The following EXOC4 variants were observed in gnomAD, a reference collection of about 807,000 sequenced individuals.
EXOC4 encodes SEC8-like 1.
Under a neutral mutation model 107.2 loss-of-function variants are expected in EXOC4, and 71 were observed. That is an observed-to-expected ratio of 0.66 (90% CI 0.55 to 0.81). EXOC4 has a LOEUF of 0.81. Among genes scored for constraint, EXOC4 ranks in the 30% least tolerant of loss-of-function variants. The probability of loss-of-function intolerance (pLI) is 0.00; values close to 1 mark genes in which losing one functional copy is unlikely to be tolerated. For missense variants in EXOC4, 1,108 were observed against 1,189.6 expected (o/e 0.93, Z 1.01); for synonymous variants, 456 against 441.2 (o/e 1.03, Z -0.42).
At chr7:133,268,064 C>T (rs866223332) in intron 1 of EXOC4, among the ~76,000 whole-genome samples, 61 of 152,278 alleles carry the variant, frequency 4.0e-4, no homozygotes, top group African/African-American at 1.3e-3. Context: ...ACAACACTTC[C>T]GTCACACTTT....
rs1796455275 is a variant in EXOC4, at chr7:133,374,965, T to C, written c.1145T>C (p.Met382Thr). 3 of 1,614,056 alleles carry C rather than the reference T, an allele frequency of 1.9e-6. No homozygotes were observed. Among genetic ancestry groups the C allele is most frequent in the Admixed American group, 1.7e-5 (1 of 60,030 alleles). ...CAGGAAGATATCAAACTGTATGATA[T>C]GGCAGATGTATGGGTGAAGATCCAA... Reference protein sequence around the residue: ...TQQEDIKLYDMADVWVKIQDV... With the variant: ...TQQEDIKLYDTADVWVKIQDV... The change falls in exon 7 of 18, where the codon ATG (methionine) becomes ACG (threonine). Residue 382 changes from methionine to threonine, a missense_variant. Coordinates refer to ENST00000253861, the MANE Select transcript of EXOC4 (RefSeq NM_021807.4).
At position 133,356,490 on chromosome 7, in the gene EXOC4, G is replaced by A; in HGVS notation, c.924G>A (p.Lys308=). Residue 308 remains lysine (K), a synonymous_variant, in exon 6 of 18, where the codon AAG becomes AAA. Transcript: ENST00000253861. ...AIIERLEQEL[K]QIVKRSTTQV... ...TAGAGCGCTTGGAGCAGGAGTTGAA[G>A]CAAATTGTGAAGAGGTCTACAACCC... 6.2e-7 allele frequency: 1 copy of A among 1,614,146 alleles called. No individual in the cohort carries two copies. The highest frequency in any genetic ancestry group is 2.2e-5 in the East Asian group (1 of 44,864).
chr7:134,023,806 T>C (rs189363669), intron 17 of EXOC4, among the ~76,000 whole-genome samples: 1 of 152,300 alleles, frequency 6.6e-6, no homozygotes, highest in Admixed American at 6.5e-5. Flanking sequence ...TGGCAGTGTT[T>C]TATCTTCCCA....
chr7:134,015,289 C>T (rs1234101888), intron 17 of EXOC4, among the ~76,000 whole-genome samples: 1 of 152,208 alleles, frequency 6.6e-6, no homozygotes, highest in Non-Finnish European at 1.5e-5. Context: ...ATTTGTTCCT[C>T]ACCTGTCTAC....
chr7:133,515,608 G>A (rs1173187552), intron 9 of EXOC4, among the ~76,000 whole-genome samples: 1 of 152,024 alleles, frequency 6.6e-6, no homozygotes, highest in African/African-American at 2.4e-5. Context: ...AGCTGGGTCT[G>A]TAGGCAAGAG....
At chr7:133,548,765 G>A (rs993527648) in intron 9 of EXOC4, among the ~76,000 whole-genome samples, 4 of 152,202 alleles carry the variant, frequency 2.6e-5, no homozygotes, top group Non-Finnish European at 4.4e-5. Flanking sequence ...GTTTGCTTAA[G>A]AGAATGTTTT....
intron 14 of EXOC4, among the ~76,000 whole-genome samples, chr7:133,960,816 C>T (rs969203587): frequency 2.6e-5 from 4 of 152,146 alleles, no homozygotes; most frequent in Non-Finnish European, 5.9e-5. Flanking sequence ...TTGACAGAAC[C>T]TCAGCCAGTA....
intron 9 of EXOC4, among the ~76,000 whole-genome samples, chr7:133,558,413 G>T (rs191557889): frequency 2.6e-5 from 4 of 152,058 alleles, no homozygotes; most frequent in Admixed American, 2.6e-4. Context: ...TATTCATTCT[G>T]TATGTATAAC....
chr7:133,509,798 G>C (rs1799732748), intron 9 of EXOC4, among the ~76,000 whole-genome samples: 1 of 152,178 alleles, frequency 6.6e-6, no homozygotes, highest in African/African-American at 2.4e-5. Flanking sequence ...CTTTGTTAAT[G>C]AGGGGTGTCT....
chr7:133,899,930 A>G (rs924880712), intron 12 of EXOC4, among the ~76,000 whole-genome samples: 3 of 151,920 alleles, frequency 2.0e-5, no homozygotes, highest in African/African-American at 7.3e-5. Flanking sequence ...TTTATTTAGT[A>G]GAGATGGAGT....
rs185525163 is a variant in EXOC4 at position 133,401,776 on chromosome 7, G to A, written c.1182+26774G>A. Among the ~76,000 whole-genome samples the A allele has an allele frequency of 1.1e-4, 16 of 147,128 alleles. No homozygotes were observed. The East Asian group carries it at 2.8e-3, about 25-fold the overall frequency. ...TTCTGCATGATTTTCCTTTTTTTTT[G>A]TCTAAATCTTGACATAAGTTTACCT... On this transcript the variant is annotated intron_variant, in intron 7 of 17. Coordinates refer to ENST00000253861, the MANE Select transcript of EXOC4 (RefSeq NM_021807.4).
chr7:133,694,973 C>T (rs1585084238), intron 10 of EXOC4, among the ~76,000 whole-genome samples: 1 of 152,278 alleles, frequency 6.6e-6, no homozygotes, highest in East Asian at 1.9e-4. Flanking sequence ...CAGGCATGCA[C>T]CACCATGCCC....
At chr7:133,848,016 C>T (rs867437408) in intron 11 of EXOC4, among the ~76,000 whole-genome samples, 29 of 151,866 alleles carry the variant, frequency 1.9e-4, no homozygotes, top group African/African-American at 6.3e-4. Flanking sequence ...AGGCATGAGC[C>T]ACCGCGCCTG....
chr7:133,369,784 CCTT>C lies in EXOC4; in HGVS notation c.1008-5041_1008-5039del, dbSNP rs1194058261. Among the ~76,000 whole-genome samples, 4 of 150,946 alleles carry C rather than the reference CCTT, an allele frequency of 2.6e-5. No homozygotes were observed. In the South Asian group the frequency reaches 6.3e-4, roughly 24 times the overall value. ...ATCCAGATAAAAACCCAGCATCTCT[CCTT>C]CTACTAGATTTCCTTTTTTTTTTTT... is the stretch of plus-strand genomic sequence containing the variant. On this transcript the variant is annotated intron_variant, in intron 6 of 17. Transcript: ENST00000253861.
intron 9 of EXOC4, among the ~76,000 whole-genome samples, chr7:133,488,853 G>A (rs1371889121): frequency 6.6e-6 from 1 of 151,154 alleles, no homozygotes; most frequent in Non-Finnish European, 1.5e-5. Context: ...AATCTCAAAG[G>A]TAGTCATATA....
At chr7:133,622,240 G>A (rs992451784) in intron 9 of EXOC4, among the ~76,000 whole-genome samples, 1 of 152,092 alleles carries the variant, frequency 6.6e-6, no homozygotes, top group African/African-American at 2.4e-5. Context: ...CTCCCATAGC[G>A]CTGGAATTAA....
At chr7:133,432,341 A>G (rs1036872035) in intron 7 of EXOC4, among the ~76,000 whole-genome samples, 2 of 152,228 alleles carry the variant, frequency 1.3e-5, no homozygotes, top group African/African-American at 4.8e-5. Flanking sequence ...TAAAATGTGG[A>G]TGATAATAAT....
intron 11 of EXOC4, among the ~76,000 whole-genome samples, chr7:133,858,362 T>C (rs1179995996): frequency 6.6e-6 from 1 of 152,014 alleles, no homozygotes; most frequent in Non-Finnish European, 1.5e-5. Context: ...GACTCAAAAA[T>C]GGAGGAAGTG....
chr7:133,977,754 G>A (rs963876523), intron 14 of EXOC4, among the ~76,000 whole-genome samples: 6 of 152,014 alleles, frequency 3.9e-5, no homozygotes, highest in African/African-American at 1.5e-4. Flanking sequence ...GTGTGTGTGT[G>A]TGTGTGTGTG....
Sources: gnomAD v4.1 joint callset for allele counts (sites outside exome capture counted in the v4.1 genomes callset) on GRCh38, gnomAD v4.1.1 for gene constraint, MANE v1.5 for transcripts, NCBI Gene and HGNC (gene_info 2026-07-23, HGNC 2026-07-21) for gene names.